Variants in CSNK1G1 observed in about 807,000 individuals in gnomAD.
CSNK1G1 encodes casein kinase I isoform gamma-1.
CSNK1G1 carries 22 observed loss-of-function variants against 59.6 expected under a neutral mutation model. The ratio of observed to expected loss-of-function variants is 0.37; its 90% CI spans 0.26 to 0.53. The LOEUF is 0.53. CSNK1G1 is among the 20% of genes least tolerant of loss of function. The probability of loss-of-function intolerance (pLI) is 0.89; values close to 1 mark genes in which losing one functional copy is unlikely to be tolerated. For missense variants in CSNK1G1, 384 were observed against 519.5 expected, an observed-to-expected ratio of 0.74 and a Z score of 2.54; for synonymous variants, 179 against 177.1, an observed-to-expected ratio of 1.01 and a Z score of -0.08.
chr15:64,223,728 C>A (rs945365976), intron 4 of CSNK1G1, among the ~76,000 whole-genome samples: 8 of 152,056 alleles, frequency 5.3e-5, no homozygotes, highest in African/African-American at 1.9e-4. Context: ...CATATGTTAT[C>A]TTGTATATTT....
At chr15:64,215,666 C>T (rs2082303142) in intron 5 of CSNK1G1, among the ~76,000 whole-genome samples, 1 of 152,206 alleles carries the variant, frequency 6.6e-6, no homozygotes, top group Admixed American at 6.5e-5. Flanking sequence ...TTGCATCCTT[C>T]CCCAAAGGGC....
At chr15:64,229,939 T>TTTTTTTTTTTTTA (rs768405168) in intron 4 of CSNK1G1, among the ~76,000 whole-genome samples, 3 of 121,504 alleles carry the variant, frequency 2.5e-5, no homozygotes, top group Non-Finnish European at 5.1e-5. Context: ...TTTTTTTTTT[T>TTTTTTTTTTTTTA]AAGACAGAAT....
Position 64,180,435 on chromosome 15 carries a change from C to T in CSNK1G1, c.1127G>A (p.Gly376Glu). ...CGTGGGATCATCAACATTCAGCTCT[C>T]CATTGGTTGAGCTAACCACCTGAAA... Reference protein sequence around the residue: ...LRNQVVSSTNGELNVDDPTGA... With the variant: ...LRNQVVSSTNEELNVDDPTGA... Residue 376 changes from glycine to glutamate, a missense_variant, in exon 11 of 12, where the codon GGA becomes GAA. Gly to Glu is a moderately conservative substitution (Grantham distance 98, BLOSUM62 -2). This residue lies in a region of CSNK1G1 where 325 missense variants were observed against 440.9 expected (regional missense o/e 0.74). Coordinates refer to ENST00000303052, the MANE Select transcript of CSNK1G1 (RefSeq NM_022048.5). The T allele has an allele frequency of 6.2e-7, 1 of 1,613,836 alleles. No homozygotes were observed. Among genetic ancestry groups the T allele is most frequent in the Non-Finnish European group, 8.5e-7 (1 of 1,179,746 alleles).
At chr15:64,182,329 T>C (rs1472765554) in intron 10 of CSNK1G1, among the ~76,000 whole-genome samples, 1 of 152,182 alleles carries the variant, frequency 6.6e-6, no homozygotes, top group Non-Finnish European at 1.5e-5. Context: ...TGCCTTGGCT[T>C]CCCGAAGTGC....
At chr15:64,285,871 A>C (rs1334725288) in intron 2 of CSNK1G1, among the ~76,000 whole-genome samples, 1 of 152,118 alleles carries the variant, frequency 6.6e-6, no homozygotes, top group Admixed American at 6.6e-5. Context: ...GAAAAAAAAA[A>C]AACGATGACT....
intron 4 of CSNK1G1, among the ~76,000 whole-genome samples, chr15:64,245,076 TCTAA>T (rs1461685279): frequency 6.6e-6 from 1 of 151,758 alleles, no homozygotes. Context: ...GACCCCTATC[TCTAA>T]CTATACAAAA....
chr15:64,260,295 C>A (rs972993618), intron 2 of CSNK1G1, among the ~76,000 whole-genome samples: 7 of 152,050 alleles, frequency 4.6e-5, no homozygotes, highest in African/African-American at 1.7e-4. Context: ...GTTATTGGTA[C>A]TGTACGTACA....
In CSNK1G1 at chr15:64,301,683, T is replaced by C. The variant is rs1596245504; in HGVS notation, c.-224-960A>G. 4.6e-5 allele frequency among the ~76,000 whole-genome samples: 7 copies of C among 152,058 alleles called. No individual in the cohort carries two copies. In the South Asian group the frequency reaches 1.4e-3, roughly 31 times the overall value. Reference sequence around the variant, plus strand: ...CAGGCAGATCACCTGAGGTCAAGAGTTTGAGACCACCTGGCCAACATGGCA... The same window carrying C: ...CAGGCAGATCACCTGAGGTCAAGAGCTTGAGACCACCTGGCCAACATGGCA... On this transcript the variant is annotated intron_variant, in intron 1 of 11. Coordinates refer to ENST00000303052, the MANE Select transcript of CSNK1G1 (RefSeq NM_022048.5).
In CSNK1G1 at chr15:64,180,424, C is replaced by T. The variant is rs1475028145; in HGVS notation, c.1138G>A (p.Val380Ile). The T allele has an allele frequency of 6.2e-7, 1 of 1,614,032 alleles. No individual in the cohort carries two copies. Among genetic ancestry groups the T allele is most frequent in the African/African-American group, 1.3e-5 (1 of 74,908 alleles). Residue 380 changes from valine (V) to isoleucine (I), a missense_variant, in exon 11 of 12, where the codon GTT becomes ATT. Physicochemically the swap from Val to Ile is conservative, Grantham distance 29. Coordinates refer to ENST00000303052, the MANE Select transcript of CSNK1G1 (RefSeq NM_022048.5). Reference sequence around the variant, plus strand: ...GAGTGGGCTCCCGTGGGATCATCAACATTCAGCTCTCCATTGGTTGAGCTA... The same window carrying T: ...GAGTGGGCTCCCGTGGGATCATCAATATTCAGCTCTCCATTGGTTGAGCTA... The part of the protein sequence containing the change: ...VVSSTNGELN[V>I]DDPTGAHSNA...
chr15:64,347,697 A>G (rs1412118302), intron 1 of CSNK1G1, among the ~76,000 whole-genome samples: 1 of 151,936 alleles, frequency 6.6e-6, no homozygotes, highest in Non-Finnish European at 1.5e-5. Flanking sequence ...AAAAGAAATG[A>G]GCTATGAAGC....
chr15:64,181,166 C>T (rs2081808366), intron 10 of CSNK1G1: 3 of 1,509,968 alleles, frequency 2.0e-6, no homozygotes, highest in Non-Finnish European at 2.6e-6. Context: ...AAACACTCTC[C>T]CTTGGAAAGC....
intron 1 of CSNK1G1, among the ~76,000 whole-genome samples, chr15:64,354,821 C>T (rs1898550922): frequency 6.6e-6 from 1 of 152,092 alleles, no homozygotes; most frequent in Non-Finnish European, 1.5e-5. Flanking sequence ...CATGACTTGC[C>T]CAAGGTCAGT....
intron 1 of CSNK1G1, among the ~76,000 whole-genome samples, chr15:64,320,678 CAAAA>C (rs1031206646): frequency 4.6e-5 from 2 of 43,152 alleles, no homozygotes; most frequent in African/African-American, 7.9e-5. Context: ...GGCTCCATCA[CAAAA>C]AAAAAAAAAA....
At chr15:64,172,637 G>A (rs1289601385) in intron 11 of CSNK1G1, among the ~76,000 whole-genome samples, 1 of 152,140 alleles carries the variant, frequency 6.6e-6, no homozygotes, top group South Asian at 2.1e-4. Context: ...GGGGACCACT[G>A]TCACAGCCCA....
rs541326457 is a variant in CSNK1G1 at position 64,305,133 on chromosome 15, T to A, written c.-224-4410A>T. Reference sequence around the variant, plus strand: ...CACCCCAACAAATTTCCCCTTCTGTTGGGTTGCCACTGGTTTTTGTACCAA... The same window carrying A: ...CACCCCAACAAATTTCCCCTTCTGTAGGGTTGCCACTGGTTTTTGTACCAA... On this transcript the variant is annotated intron_variant, in intron 1 of 11. Coordinates refer to ENST00000303052, the MANE Select transcript of CSNK1G1 (RefSeq NM_022048.5). Among the ~76,000 whole-genome samples the A allele has an allele frequency of 5.9e-5, 9 of 152,320 alleles. No individual in the cohort carries two copies. The South Asian group carries it at 1.7e-3, about 28-fold the overall frequency.
chr15:64,244,367 A>T (rs1452993638), intron 4 of CSNK1G1, among the ~76,000 whole-genome samples: 5 of 93,220 alleles, frequency 5.4e-5, no homozygotes, highest in East Asian at 2.3e-4. Flanking sequence ...CTGAAAAATT[A>T]AAAAAAAAAA....
intron 2 of CSNK1G1, among the ~76,000 whole-genome samples, chr15:64,288,570 A>ATG (rs548317034): frequency 7.3e-5 from 11 of 151,284 alleles, no homozygotes; most frequent in South Asian, 6.3e-4. Flanking sequence ...ATATGTGTGT[A>ATG]TGTGTGTGTG....
At chr15:64,350,913 T>C (rs1898250402) in intron 1 of CSNK1G1, among the ~76,000 whole-genome samples, 1 of 152,006 alleles carries the variant, frequency 6.6e-6, no homozygotes, top group African/African-American at 2.4e-5. Flanking sequence ...TCTTTTTCTT[T>C]TTTTTTTTCC....
At chr15:64,227,504 T>C (rs2082478509) in intron 4 of CSNK1G1, among the ~76,000 whole-genome samples, 1 of 152,300 alleles carries the variant, frequency 6.6e-6, no homozygotes, top group East Asian at 1.9e-4. Flanking sequence ...AAACAGCACC[T>C]GCCCATCCAA....
Sources: gnomAD v4.1 joint callset for allele counts (sites outside exome capture counted in the v4.1 genomes callset) on GRCh38, gnomAD v4.1.1 for gene constraint, gnomAD v4.1.1 regional missense constraint, MANE v1.5 for transcripts, NCBI Gene and HGNC (gene_info 2026-07-23, HGNC 2026-07-21) for gene names.